HEATR9: variants seen among roughly 807,000 people sequenced by gnomAD.
HEATR9 encodes protein HEATR9.
HEATR9 carries 54 observed loss-of-function variants against 68.2 expected under a neutral mutation model. The observed-to-expected ratio is 0.79, with a 90% confidence interval of 0.64 to 0.99. The LOEUF is 0.99. Ranked by LOEUF, HEATR9 falls within the 50% of genes least tolerant of loss-of-function variation. HEATR9 has a pLI of 0.00. For synonymous variants in HEATR9, 241 were observed against 253.5 expected (o/e 0.95, Z 0.47); for missense variants, 662 against 679.7 (o/e 0.97, Z 0.29).
At chr17:35,855,546 T>C (rs1316354438) in intron 14 of HEATR9, 118 bp downstream of exon 14, 3 of 1,281,424 alleles carry the variant, frequency 2.3e-6, no homozygotes, top group Non-Finnish European at 3.4e-6. Context: ...CAAGGGACAG[T>C]GTCTAAGGGC....
intron 8 of HEATR9, chr17:35,861,579 T>G: frequency 1.4e-6 from 1 of 706,966 alleles, no homozygotes; most frequent in East Asian, 2.6e-5. Context: ...TGAACCTGTG[T>G]TGGTCCCCTT....
intron 8 of HEATR9, chr17:35,861,709 G>A: frequency 1.9e-6 from 1 of 514,460 alleles, no homozygotes; most frequent in East Asian, 3.6e-5. Context: ...TTGCTCAAAT[G>A]TACCTTCTAA....
rs552237376 is a variant in HEATR9 at position 35,863,513 on chromosome 17, A to G, written c.614T>C (p.Leu205Pro). 6.8e-5 allele frequency: 110 copies of G among 1,614,074 alleles called. No homozygotes were observed. Among genetic ancestry groups the G allele is most frequent in the Non-Finnish European group, 5.5e-5 (65 of 1,180,022 alleles). The change falls in exon 7 of 15, where the codon CTG becomes CCG. Residue 205 changes from leucine (L) to proline (P), a missense_variant. Transcript: ENST00000604834. Reference sequence around the variant, plus strand: ...GAAGACATACTCACCCAGGATGGCCAGGGTTCGGTAGGCCTCGTACTTCAC... The same window carrying G: ...GAAGACATACTCACCCAGGATGGCCGGGGTTCGGTAGGCCTCGTACTTCAC... ...EKVKYEAYRT[L>P]AILGCLNKHV...
chr17:35,867,266 A>G (rs538839489), intron 1 of HEATR9, among the ~76,000 whole-genome samples: 2 of 152,052 alleles, frequency 1.3e-5, no homozygotes, highest in African/African-American at 4.8e-5. Context: ...GTCTCAAAAA[A>G]TAAATAAATA....
chr17:35,858,741 T>C (rs993995835), intron 9 of HEATR9, 147 bp downstream of exon 9: 101 of 940,476 alleles, frequency 1.1e-4, no homozygotes, highest in Non-Finnish European at 1.6e-4. Flanking sequence ...TATATGTCCA[T>C]ATGACCCCAT....
At chr17:35,862,971 A>G (rs759214761) in intron 8 of HEATR9, 24 bp downstream of exon 8, 34 of 1,613,996 alleles carry the variant, frequency 2.1e-5, no homozygotes, top group East Asian at 6.7e-5. Flanking sequence ...TTTGCCCCCA[A>G]TTAAAGACTG....
Position 35,859,083 on chromosome 17 carries a change from C to G in HEATR9, c.757-13G>C. 1 of 1,612,294 alleles carries G rather than the reference C, an allele frequency of 6.2e-7. No homozygotes were observed. The highest frequency in any genetic ancestry group is 8.5e-7 in the Non-Finnish European group (1 of 1,178,540). On this transcript the variant is annotated splice_polypyrimidine_tract_variant and intron_variant, in intron 8 of 14. Transcript: ENST00000604834. ...CGACTTGAGTCCTCTGTGAGGGAGA[C>G]AAAATGGCTAAGGGGAGGGGCTATG...
At chr17:35,864,421 G>C in intron 5 of HEATR9, 76 bp downstream of exon 5, 1 of 1,558,972 alleles carries the variant, frequency 6.4e-7, no homozygotes, top group Non-Finnish European at 8.8e-7. Flanking sequence ...CCACCATCAC[G>C]TCAAGCAGCT....
At chr17:35,861,489 G>T in intron 8 of HEATR9, 3 of 1,317,444 alleles carry the variant, frequency 2.3e-6, no homozygotes, top group Non-Finnish European at 2.2e-6. Context: ...TGAACACCTT[G>T]CAGTCGTTGC....
At chr17:35,860,802 T>G (rs966587379) in intron 8 of HEATR9, among the ~76,000 whole-genome samples, 1 of 151,984 alleles carries the variant, frequency 6.6e-6, no homozygotes, top group Admixed American at 6.6e-5. Flanking sequence ...TTATTTATTT[T>G]TGGGAGGTCG....
Position 35,858,287 on chromosome 17 carries a change from G to T in HEATR9, c.1065C>A (p.Thr355=). 1 of 1,614,166 alleles carries T rather than the reference G, an allele frequency of 6.2e-7. No individual in the cohort carries two copies. Residue 355 remains threonine (T), a synonymous_variant, in exon 11 of 15, where the codon ACC becomes ACA. Transcript: ENST00000604834. ...GTGCCTGGATCTGTTCCAGCCCAAT[G>T]GTCTTGAGCATTTGGGTGGCTTCAA... The part of the protein sequence containing the change: ...DRFEATQMLK[T]IGLEQIQAQG...
intron 2 of HEATR9, 140 bp downstream of exon 2, chr17:35,866,584 G>T: frequency 1.3e-6 from 1 of 764,956 alleles, no homozygotes; most frequent in South Asian, 1.6e-5. Context: ...GGGGGAAAGT[G>T]ACTGTTCAAG....
At chr17:35,864,723 G>A (rs779085019) in intron 4 of HEATR9, 35 bp downstream of exon 4, 4 of 1,612,534 alleles carry the variant, frequency 2.5e-6, no homozygotes, top group South Asian at 1.1e-5. Context: ...CCACAGGGAG[G>A]GAGTCCCCCA....
rs1377874296 is a variant in HEATR9 at position 35,856,726 on chromosome 17, A to C, written c.1226+6T>G. 3 of 1,598,352 alleles carry C rather than the reference A, an allele frequency of 1.9e-6. No homozygotes were observed. Among genetic ancestry groups the C allele is most frequent in the Non-Finnish European group, 2.6e-6 (3 of 1,172,134 alleles). ...ATTTGGCCCTGGCAGCTCCCAGGCC[A>C]CTCACGCCTCCACCAAGTTCATCAT... On this transcript the variant is annotated splice_donor_region_variant and intron_variant, in intron 12 of 14. Coordinates refer to ENST00000604834, the MANE Select transcript of HEATR9 (RefSeq NM_152781.4).
At position 35,864,800 on chromosome 17, in the gene HEATR9, G is replaced by C; in HGVS notation, c.411C>G (p.Pro137=). The C allele has an allele frequency of 1.2e-6, 2 of 1,614,180 alleles. No individual in the cohort carries two copies. The highest frequency in any genetic ancestry group is 1.7e-6 in the Non-Finnish European group (2 of 1,180,036). Residue 137 remains proline (P), a synonymous_variant, in exon 4 of 15, where the codon CCC becomes CCG. Transcript: ENST00000604834. ...TCAGGGGGTCCTGGGTAGGCTCTAAGGGCCTGGATCGCATCTCAGATTTTA... is the reference window on the plus strand; with the variant it reads ...TCAGGGGGTCCTGGGTAGGCTCTAACGGCCTGGATCGCATCTCAGATTTTA... The part of the protein sequence containing the change: ...LTIKSEMRSR[P]LEPTQDPLKW...
At chr17:35,861,294 G>C in intron 8 of HEATR9, 1 of 1,383,076 alleles carries the variant, frequency 7.2e-7, no homozygotes, top group Non-Finnish European at 1.0e-6. Context: ...TCTTCATTGC[G>C]TCAATAGTTT....
intron 3 of HEATR9, 152 bp from the exon 4 acceptor site, chr17:35,865,042 C>T (rs2143962889): frequency 6.0e-6 from 8 of 1,328,816 alleles, no homozygotes; most frequent in South Asian, 4.0e-5. Flanking sequence ...AGAGCCGAGC[C>T]GAGCCGAGCC....
At chr17:35,860,635 G>GC (rs1212132412) in intron 8 of HEATR9, among the ~76,000 whole-genome samples, 4 of 149,972 alleles carry the variant, frequency 2.7e-5, no homozygotes, top group Non-Finnish European at 4.4e-5. Context: ...GACTACAGGC[G>GC]CCCGCCAGCA....
chr17:35,868,640 C>A lies in HEATR9; in HGVS notation c.88+15G>T. On this transcript the variant is annotated intron_variant, in intron 1 of 14. Transcript: ENST00000604834. The stretch of plus-strand genomic sequence containing the variant: ...CCCCTGCTCTTGGCTCCATTTCTGT[C>A]CATCCCAGCCTCACCTTTGGTCTTG... 6.2e-7 allele frequency: 1 copy of A among 1,614,090 alleles called. No homozygotes were observed. The highest frequency in any genetic ancestry group is 8.5e-7 in the Non-Finnish European group (1 of 1,179,976).
Sources: allele counts gnomAD v4.1 joint callset (sites outside exome capture counted in the v4.1 genomes callset), GRCh38; gene constraint gnomAD v4.1.1; transcripts MANE v1.5; gene names NCBI Gene and HGNC (gene_info 2026-07-23, HGNC 2026-07-21).